The following RNASEH2A variants were observed in gnomAD, a reference collection of about 807,000 sequenced individuals.
RNASEH2A encodes the protein RNase H(35).
In RNASEH2A, 30 loss-of-function variants were observed where a neutral mutation model predicts 32.7. That is an observed-to-expected ratio of 0.92 (90% CI 0.69 to 1.25). The LOEUF (loss-of-function observed/expected upper bound fraction) is 1.25. Ranked by LOEUF, RNASEH2A falls within the 50% of genes most tolerant of loss-of-function variation. The pLI, the probability that RNASEH2A is intolerant of heterozygous loss-of-function variation, is 0.00. For missense variants in RNASEH2A, 409 were observed against 398.1 expected (o/e 1.03, Z -0.23); for synonymous variants, 147 against 165.4 (o/e 0.89, Z 0.86).
chr19:12,812,869 G>A (rs922049855), intron 6 of RNASEH2A, among the ~76,000 whole-genome samples: 8 of 152,048 alleles, frequency 5.3e-5, no homozygotes, highest in Admixed American at 3.9e-4. Flanking sequence ...GCTGGGCATG[G>A]TGGCATGCGC....
At chr19:12,806,870 A>G (rs1968999646) in intron 1 of RNASEH2A, 70 bp downstream of exon 1, 2 of 1,597,314 alleles carry the variant, frequency 1.3e-6, no homozygotes, top group Admixed American at 1.7e-5. Context: ...TCGGGATTGC[A>G]CTGCACCAAG....
rs754727728 is a variant in RNASEH2A, at chr19:12,807,290, T to C, written c.284T>C (p.Val95Ala). 4 of 1,614,070 alleles carry C rather than the reference T, an allele frequency of 2.5e-6. No individual in the cohort carries two copies. Among genetic ancestry groups the C allele is most frequent in the Non-Finnish European group, 3.4e-6 (4 of 1,180,044 alleles). Residue 95 changes from valine (V) to alanine (A), a missense_variant, in exon 3 of 8, where the codon GTG becomes GCG. Physicochemically the swap from Val to Ala is moderately conservative, Grantham distance 64. Transcript: ENST00000221486. Reference protein sequence around the residue: ...DTDFVGWALDVLSPNLISTSM... With the variant: ...DTDFVGWALDALSPNLISTSM... ...GACTTTGTCGGCTGGGCGCTGGATGTGCTGTCTCCAAACCTCATCTCTACC... is the reference window on the plus strand; with the variant it reads ...GACTTTGTCGGCTGGGCGCTGGATGCGCTGTCTCCAAACCTCATCTCTACC...
rs955763544 is a variant in RNASEH2A at position 12,806,613 on chromosome 19, C to A, written c.-61C>A. 26 of 1,549,920 alleles carry A rather than the reference C, an allele frequency of 1.7e-5. No homozygotes were observed. Among genetic ancestry groups the A allele is most frequent in the African/African-American group, 2.7e-5 (2 of 73,114 alleles). Reference sequence around the variant, plus strand: ...GCCGCTTCGAGGCCCGCGGAAAACGCGCGCCGAGACCCGCTCCTGCAGTAT... The same window carrying A: ...GCCGCTTCGAGGCCCGCGGAAAACGAGCGCCGAGACCCGCTCCTGCAGTAT... On this transcript the variant is annotated 5_prime_UTR_variant, in exon 1 of 8. Transcript: ENST00000221486.
At chr19:12,809,947 G>A in intron 4 of RNASEH2A, 124 bp from the exon 5 acceptor site, 2 of 1,258,950 alleles carry the variant, frequency 1.6e-6, no homozygotes, top group Non-Finnish European at 2.3e-6. Context: ...ATCCCTGATT[G>A]ATCCATCCTG....
Position 12,807,194 on chromosome 19 carries a change from ACCT to A in RNASEH2A, c.200-6_200-4del, listed in dbSNP as rs1181055837. Reference sequence around the variant, plus strand: ...ACCAGCTGTTCCCCTTCTCTTCCAAACCTCCTCCCAGACTCAAAGACCCTATTG... The same window carrying A: ...ACCAGCTGTTCCCCTTCTCTTCCAAACCTCCCAGACTCAAAGACCCTATTG... On this transcript the variant is annotated splice_polypyrimidine_tract_variant and intron_variant, in intron 2 of 7. Coordinates refer to ENST00000221486, the MANE Select transcript of RNASEH2A (RefSeq NM_006397.3). The A allele has an allele frequency of 6.2e-7, 1 of 1,613,888 alleles. No individual in the cohort carries two copies. Among genetic ancestry groups the A allele is most frequent in the Non-Finnish European group, 8.5e-7 (1 of 1,179,936 alleles).
At chr19:12,807,147 G>A (rs200003979) in intron 2 of RNASEH2A, 59 bp from the exon 3 acceptor site, 33 of 1,614,038 alleles carry the variant, frequency 2.0e-5, no homozygotes, top group Non-Finnish European at 9.3e-6. Flanking sequence ...AGAACTGAAA[G>A]GGGAGGGCAG....
chr19:12,810,961 C>T (rs1333374124), intron 6 of RNASEH2A, among the ~76,000 whole-genome samples: 1 of 152,064 alleles, frequency 6.6e-6, no homozygotes, highest in Non-Finnish European at 1.5e-5. Context: ...CCACCCCTGG[C>T]CCTTTTTTTC....
intron 4 of RNASEH2A, 53 bp downstream of exon 4, chr19:12,807,559 C>T: frequency 6.9e-7 from 1 of 1,451,922 alleles, no homozygotes; most frequent in Non-Finnish European, 9.7e-7. Flanking sequence ...AAAATGGGGA[C>T]AAAACAGGAG....
In RNASEH2A at chr19:12,813,114, C is replaced by T. The variant is rs531859310; in HGVS notation, c.669C>T (p.His223=). ...AGACAAAAGCGTGGTTGAAGGAGCA[C>T]GTGGAGCCTGTGTTCGGCTTCCCCC... is the stretch of plus-strand genomic sequence containing the variant. ...DPKTKAWLKE[H]VEPVFGFPQF... The change falls in exon 7 of 8, where the codon CAC becomes CAT. Residue 223 remains histidine (H), a synonymous_variant. Transcript: ENST00000221486. 1.1e-5 allele frequency: 17 copies of T among 1,614,128 alleles called. No individual in the cohort carries two copies. Among genetic ancestry groups the T allele is most frequent in the Middle Eastern group, 3.3e-4 (2 of 6,062 alleles).
intron 6 of RNASEH2A, 39 bp downstream of exon 6, chr19:12,810,443 GC>G (rs1439612848): frequency 6.6e-7 from 1 of 1,522,986 alleles, no homozygotes; most frequent in African/African-American, 1.4e-5. Flanking sequence ...TGTTGAAATG[GC>G]CAGGGCTGAG....
chr19:12,810,423 A>T lies in RNASEH2A; in HGVS notation c.637+19A>T. 1 of 1,603,582 alleles carries T rather than the reference A, an allele frequency of 6.2e-7. No homozygotes were observed. The highest frequency in any genetic ancestry group is 8.5e-7 in the Non-Finnish European group (1 of 1,170,446). On this transcript the variant is annotated intron_variant, in intron 6 of 7. Transcript: ENST00000221486. ...CCCAATGGTGAGCAGACACGTGACC[A>T]TGGTACTAATGTTGAAATGGCCAGG... is the stretch of plus-strand genomic sequence containing the variant.
At position 12,807,169 on chromosome 19, in the gene RNASEH2A, A is replaced by G. The variant is rs373057547; in HGVS notation, c.200-37A>G. The G allele has an allele frequency of 6.2e-6, 10 of 1,613,956 alleles. No homozygotes were observed. In the African/African-American group the frequency reaches 8.0e-5, roughly 13 times the overall value. On this transcript the variant is annotated intron_variant, in intron 2 of 7. Coordinates refer to ENST00000221486, the MANE Select transcript of RNASEH2A (RefSeq NM_006397.3). ...AAAGGGGAGGGCAGGAACTGGGAGA[A>G]CCAGCTGTTCCCCTTCTCTTCCAAA...
At position 12,806,662 on chromosome 19, in the gene RNASEH2A, G is replaced by C. The variant is rs1392248471; in HGVS notation, c.-12G>C. 5 of 1,573,588 alleles carry C rather than the reference G, an allele frequency of 3.2e-6. No homozygotes were observed. Among genetic ancestry groups the C allele is most frequent in the South Asian group, 1.2e-5 (1 of 86,010 alleles). ...ATTAGTTCTTGCAGCTGGTGGTGGC[G>C]GCTGAGGCGGCATGGATCTCAGCGA... is the stretch of plus-strand genomic sequence containing the variant. On this transcript the variant is annotated 5_prime_UTR_variant, in exon 1 of 8. Coordinates refer to ENST00000221486, the MANE Select transcript of RNASEH2A (RefSeq NM_006397.3).
At chr19:12,806,859 G>C in intron 1 of RNASEH2A, 59 bp downstream of exon 1, 1 of 1,595,828 alleles carries the variant, frequency 6.3e-7, no homozygotes, top group Non-Finnish European at 8.5e-7. Flanking sequence ...GGAAACGGGA[G>C]TCGGGATTGC....
rs138228528 is a variant in RNASEH2A, at chr19:12,807,220, T to C, written c.214T>C (p.Leu72=). Residue 72 remains leucine, a synonymous_variant, in exon 3 of 8, where the codon TTG becomes CTG. Coordinates refer to ENST00000221486, the MANE Select transcript of RNASEH2A (RefSeq NM_006397.3). ...ALKVADSKTL[L]ESERERLFAK... is the part of the protein sequence containing the mutation. ...CCTCCTCCCAGACTCAAAGACCCTA[T>C]TGGAGAGCGAGCGGGAAAGGCTGTT... The C allele has an allele frequency of 6.8e-6, 11 of 1,614,028 alleles. No homozygotes were observed. The highest frequency in any genetic ancestry group is 3.3e-5 in the Admixed American group (2 of 59,992).
chr19:12,807,608 C>G, intron 4 of RNASEH2A, 102 bp downstream of exon 4: 2 of 1,001,078 alleles, frequency 2.0e-6, no homozygotes, highest in Non-Finnish European at 3.1e-6. Flanking sequence ...CCACAGCACT[C>G]CATCCTGGGT....
intron 6 of RNASEH2A, 69 bp from the exon 7 acceptor site, chr19:12,813,014 A>T (rs1969095764): frequency 1.2e-6 from 2 of 1,608,820 alleles, no homozygotes. Flanking sequence ...AAAGAAAAAA[A>T]AAAGAGTGGC....
chr19:12,806,918 C>G (rs1227660802), intron 1 of RNASEH2A, 90 bp from the exon 2 acceptor site: 1 of 1,599,922 alleles, frequency 6.3e-7, no homozygotes, highest in Non-Finnish European at 8.6e-7. Context: ...CCTAAAGAAG[C>G]AGTGATGATA....
intron 1 of RNASEH2A, 77 bp downstream of exon 1, chr19:12,806,877 C>T: frequency 1.3e-6 from 2 of 1,594,942 alleles, no homozygotes. Flanking sequence ...TGCACTGCAC[C>T]AAGGGAGGGG....
Sources: allele counts gnomAD v4.1 joint callset (sites outside exome capture counted in the v4.1 genomes callset), GRCh38; gene constraint gnomAD v4.1.1; transcripts MANE v1.5; gene names NCBI Gene and HGNC (gene_info 2026-07-23, HGNC 2026-07-21).